Variants in DLG2 observed in about 807,000 individuals in gnomAD.
The protein encoded by DLG2 is disks large homolog 2.
Under a neutral mutation model 132.5 loss-of-function variants are expected in DLG2, and 45 were observed. The observed-to-expected ratio is 0.34, with a 90% CI of 0.27 to 0.44. The LOEUF (loss-of-function observed/expected upper bound fraction) is 0.44, where lower values mean the gene tolerates loss of function less well. Ranked by LOEUF, DLG2 falls within the 20% of genes least tolerant of loss-of-function variation. The pLI, the probability that DLG2 is intolerant of heterozygous loss-of-function variation, is 1.00. For synonymous variants in DLG2, 424 were observed against 419.6 expected (o/e 1.01, Z -0.13); for missense variants, 1,045 against 1,196.9 (o/e 0.87, Z 1.87).
chr11:84,499,387 C>G (rs1431714537), intron 7 of DLG2, among the ~76,000 whole-genome samples: 2 of 152,150 alleles, frequency 1.3e-5, no homozygotes. Flanking sequence ...GCACAGGACT[C>G]AGAAACTTCA....
chr11:84,403,954 A>C (rs1308805839), intron 7 of DLG2, among the ~76,000 whole-genome samples: 2 of 152,276 alleles, frequency 1.3e-5, no homozygotes, highest in East Asian at 3.9e-4. Context: ...TTTTAACAGA[A>C]GATAATCCCT....
At chr11:85,621,266 G>A (rs1425989263) in intron 2 of DLG2, among the ~76,000 whole-genome samples, 1 of 151,808 alleles carries the variant, frequency 6.6e-6, no homozygotes, top group Non-Finnish European at 1.5e-5. Flanking sequence ...CATTGACAAT[G>A]CACCTAGTCA....
At chr11:83,475,913 G>C (rs1276997262) in intron 22 of DLG2, among the ~76,000 whole-genome samples, 1 of 152,068 alleles carries the variant, frequency 6.6e-6, no homozygotes, top group African/African-American at 2.4e-5. Context: ...GGCTGAAAGT[G>C]GGAGAGCAGC....
intron 6 of DLG2, among the ~76,000 whole-genome samples, chr11:84,780,819 C>T (rs2071616799): frequency 6.6e-6 from 1 of 151,988 alleles, no homozygotes. Flanking sequence ...TAACTTCCTT[C>T]TTCCAGGTAT....
intron 8 of DLG2, among the ~76,000 whole-genome samples, chr11:84,186,848 G>T (rs753885092): frequency 9.9e-5 from 15 of 151,918 alleles, no homozygotes; most frequent in Admixed American, 4.6e-4. Context: ...TTTTGAACCA[G>T]AAATAAATAA....
At chr11:84,946,448 G>A (rs1174507860) in intron 6 of DLG2, among the ~76,000 whole-genome samples, 3 of 152,022 alleles carry the variant, frequency 2.0e-5, no homozygotes, top group African/African-American at 7.2e-5. Flanking sequence ...CCAGGACTGT[G>A]TTATTCCCTT....
intron 6 of DLG2, among the ~76,000 whole-genome samples, chr11:84,898,315 T>C (rs2090455699): frequency 6.6e-6 from 1 of 151,924 alleles, no homozygotes; most frequent in South Asian, 2.1e-4. Context: ...GCTTTATTGG[T>C]TTCTTTCCTT....
intron 6 of DLG2, among the ~76,000 whole-genome samples, chr11:84,860,834 C>T (rs1300305237): frequency 3.3e-5 from 5 of 149,594 alleles, no homozygotes; most frequent in Admixed American, 3.3e-4. Flanking sequence ...AGAGAATTCC[C>T]AAAGCCAAGG....
At chr11:84,146,858 T>C (rs745655054) in intron 9 of DLG2, among the ~76,000 whole-genome samples, 23 of 152,146 alleles carry the variant, frequency 1.5e-4, no homozygotes, top group Admixed American at 2.6e-4. Context: ...GAATTGGAAG[T>C]TGCCAGTTTT....
intron 6 of DLG2, among the ~76,000 whole-genome samples, chr11:84,784,064 G>A (rs1340175682): frequency 2.7e-5 from 4 of 147,500 alleles, no homozygotes; most frequent in African/African-American, 1.0e-4. Flanking sequence ...TTGGGAGGCT[G>A]AGGCGGGTGG....
intron 2 of DLG2, among the ~76,000 whole-genome samples, chr11:85,606,925 A>G (rs1243799406): frequency 6.6e-6 from 1 of 152,196 alleles, no homozygotes; most frequent in Non-Finnish European, 1.5e-5. Flanking sequence ...CAGAAGGAAC[A>G]AACTCTGGAC....
intron 11 of DLG2, among the ~76,000 whole-genome samples, chr11:84,004,963 C>A (rs1244912582): frequency 8.0e-6 from 1 of 125,724 alleles, no homozygotes; most frequent in East Asian, 2.9e-4. Context: ...AAAAAAAGAG[C>A]CAGAATAGCT....
chr11:84,024,913 A>C (rs1348857734), intron 11 of DLG2, among the ~76,000 whole-genome samples: 1 of 152,096 alleles, frequency 6.6e-6, no homozygotes, highest in Non-Finnish European at 1.5e-5. Context: ...TCTCACCACA[A>C]GGCATGTTAA....
chr11:85,060,222 T>A (rs897499587), intron 6 of DLG2, among the ~76,000 whole-genome samples: 8 of 151,514 alleles, frequency 5.3e-5, no homozygotes, highest in Non-Finnish European at 7.4e-5. Context: ...TTATTTCACT[T>A]AGTATAATGT....
intron 6 of DLG2, among the ~76,000 whole-genome samples, chr11:84,589,571 T>TA (rs974339383): frequency 5.3e-5 from 8 of 151,882 alleles, no homozygotes; most frequent in African/African-American, 1.2e-4. Flanking sequence ...GGTTAAACAT[T>TA]AAAAAAAAGA....
intron 7 of DLG2, 39 bp from the exon 8 acceptor site, chr11:84,251,330 G>A (rs975679542): frequency 1.4e-6 from 2 of 1,411,770 alleles, no homozygotes; most frequent in Admixed American, 4.4e-5. Flanking sequence ...ATAATGAATA[G>A]TGTATTCTGA....
intron 6 of DLG2, among the ~76,000 whole-genome samples, chr11:85,009,907 G>A (rs1425796133): frequency 6.6e-6 from 1 of 152,050 alleles, no homozygotes; most frequent in Non-Finnish European, 1.5e-5. Context: ...ATATGTAAAT[G>A]CATCTATGCT....
At chr11:83,874,231 A>C (rs1004857886) in intron 16 of DLG2, among the ~76,000 whole-genome samples, 189 bp downstream of exon 16, 8 of 42,134 alleles carry the variant, frequency 1.9e-4, no homozygotes, top group Non-Finnish European at 2.5e-4. Context: ...GAAAGAAAGA[A>C]AGACAAAGAA....
chr11:85,024,674 T>C (rs1258949608), intron 6 of DLG2, among the ~76,000 whole-genome samples: 3 of 152,194 alleles, frequency 2.0e-5, no homozygotes, highest in Non-Finnish European at 4.4e-5. Flanking sequence ...TTGTAAGCAC[T>C]CTGTTGTCTC....
Sources: allele counts gnomAD v4.1 joint callset (sites outside exome capture counted in the v4.1 genomes callset), GRCh38; gene constraint gnomAD v4.1.1; transcripts MANE v1.5; gene names NCBI Gene and HGNC (gene_info 2026-07-23, HGNC 2026-07-21).